The following SWT1 variants were observed in gnomAD, a reference collection of about 807,000 sequenced individuals.
SWT1 encodes SWT1 RNA endoribonuclease homolog.
SWT1 carries 33 observed loss-of-function variants against 107.3 expected under a neutral mutation model. That is an observed-to-expected ratio of 0.31 (90% CI 0.23 to 0.41). SWT1 has a LOEUF of 0.41. Ranked by LOEUF, SWT1 falls within the 10% of genes least tolerant of loss-of-function variation. The pLI, the probability that SWT1 is intolerant of heterozygous loss-of-function variation, is 1.00. For missense variants in SWT1, 898 were observed against 1,028.9 expected, an observed-to-expected ratio of 0.87 and a Z score of 1.74; for synonymous variants, 345 against 348.3, an observed-to-expected ratio of 0.99 and a Z score of 0.11.
intron 17 of SWT1, among the ~76,000 whole-genome samples, chr1:185,271,621 A>G (rs1186299929): frequency 6.6e-6 from 1 of 152,198 alleles, no homozygotes; most frequent in Non-Finnish European, 1.5e-5. Flanking sequence ...ACATAGTGAA[A>G]TGGTTTCTGT....
intron 18 of SWT1, chr1:185,281,411 G>A (rs1571706087): frequency 4.4e-6 from 1 of 228,806 alleles, no homozygotes; most frequent in East Asian, 1.1e-4. Context: ...TCAAACACTT[G>A]TTATGAGACA....
chr1:185,163,026 C>T (rs1244161831), intron 2 of SWT1, among the ~76,000 whole-genome samples: 1 of 152,052 alleles, frequency 6.6e-6, no homozygotes, highest in African/African-American at 2.4e-5. Context: ...TCATTTGAGT[C>T]TTCAGAGAGT....
intron 16 of SWT1, among the ~76,000 whole-genome samples, chr1:185,260,801 A>G (rs1662965441): frequency 6.6e-6 from 1 of 152,184 alleles, no homozygotes; most frequent in Admixed American, 6.5e-5. Flanking sequence ...ACATGAAAAG[A>G]TAAAACCATT....
At chr1:185,198,573 T>C (rs1249863592) in intron 10 of SWT1, among the ~76,000 whole-genome samples, 3 of 152,200 alleles carry the variant, frequency 2.0e-5, no homozygotes, top group Non-Finnish European at 4.4e-5. Context: ...TCTAAGTCTC[T>C]TTGTAGGTCT....
chr1:185,289,287 C>T (rs1360287603), intron 18 of SWT1, among the ~76,000 whole-genome samples: 1 of 152,176 alleles, frequency 6.6e-6, no homozygotes, highest in African/African-American at 2.4e-5. Context: ...ATGAAGACAA[C>T]CTTGGTGTGA....
At chr1:185,247,856 C>G (rs1424759383) in intron 16 of SWT1, among the ~76,000 whole-genome samples, 1 of 152,060 alleles carries the variant, frequency 6.6e-6, no homozygotes, top group Non-Finnish European at 1.5e-5. Flanking sequence ...TAATTTGCTT[C>G]TAGAAGTGTT....
chr1:185,166,454 AC>A, intron 2 of SWT1, 117 bp from the exon 3 acceptor site: 1 of 630,332 alleles, frequency 1.6e-6, no homozygotes, highest in Non-Finnish European at 2.7e-6. Context: ...ATTGTTCCCC[AC>A]CGAAGTTCAT....
Position 185,174,441 on chromosome 1 carries a change from A to T in SWT1, c.294A>T (p.Lys98Asn), listed in dbSNP as rs762153195. 1 of 1,604,350 alleles carries T rather than the reference A, an allele frequency of 6.2e-7. No homozygotes were observed. The highest frequency in any genetic ancestry group is 1.3e-5 in the African/African-American group (1 of 74,326). Residue 98 changes from lysine to asparagine, a missense_variant, in exon 5 of 19, where the codon AAA becomes AAT. Physicochemically the swap from Lys to Asn is moderately conservative, Grantham distance 94. Transcript: ENST00000367500. The stretch of plus-strand genomic sequence containing the variant: ...GTTCTTCATCCCAAAGACCTATTAA[A>T]CTCAAAGAAGCATCATATTCAAATG... Reference protein sequence around the residue: ...KIGSSSQRPIKLKEASYSNDN... With the variant: ...KIGSSSQRPINLKEASYSNDN...
intron 15 of SWT1, among the ~76,000 whole-genome samples, chr1:185,223,515 A>T (rs896662615): frequency 1.3e-5 from 2 of 151,972 alleles, no homozygotes; most frequent in Non-Finnish European, 2.9e-5. Flanking sequence ...AGCCACTCTA[A>T]CTGGAGTGAG....
At chr1:185,165,867 A>T (rs1654525819) in intron 2 of SWT1, among the ~76,000 whole-genome samples, 1 of 152,120 alleles carries the variant, frequency 6.6e-6, no homozygotes, top group South Asian at 2.1e-4. Flanking sequence ...TTCCCTCAGT[A>T]TTCTAATGGT....
At chr1:185,289,288 C>G (rs1351443854) in intron 18 of SWT1, among the ~76,000 whole-genome samples, 1 of 152,130 alleles carries the variant, frequency 6.6e-6, no homozygotes, top group African/African-American at 2.4e-5. Flanking sequence ...TGAAGACAAC[C>G]TTGGTGTGAT....
intron 16 of SWT1, among the ~76,000 whole-genome samples, chr1:185,237,533 A>T (rs1660976093): frequency 1.3e-5 from 2 of 152,086 alleles, no homozygotes; most frequent in Non-Finnish European, 2.9e-5. Context: ...GGGGAACATC[A>T]CACACTGGGG....
chr1:185,173,042 C>CA (rs71555458), intron 4 of SWT1, among the ~76,000 whole-genome samples: 40,813 of 86,914 alleles, frequency 0.47, 8,505 homozygotes, highest in African/African-American at 0.54. Flanking sequence ...GACTCCGTCT[C>CA]AAAAAAAAAA....
intron 14 of SWT1, among the ~76,000 whole-genome samples, chr1:185,216,242 A>G (rs1659206231): frequency 6.6e-6 from 1 of 152,156 alleles, no homozygotes; most frequent in Admixed American, 6.6e-5. Context: ...AAACATTGGT[A>G]GTTTTATTTT....
At chr1:185,189,682 C>T (rs543870555) in intron 9 of SWT1, among the ~76,000 whole-genome samples, 1 of 152,020 alleles carries the variant, frequency 6.6e-6, no homozygotes, top group East Asian at 1.9e-4. Context: ...ATTTTAATAG[C>T]GAACTAACCA....
chr1:185,226,711 T>C, intron 15 of SWT1: 1 of 468,168 alleles, frequency 2.1e-6, no homozygotes, highest in East Asian at 3.4e-5. Context: ...TCCCTGCTAT[T>C]TCTCATTTAA....
At chr1:185,248,764 T>A (rs1661790034) in intron 16 of SWT1, among the ~76,000 whole-genome samples, 2 of 128,480 alleles carry the variant, frequency 1.6e-5, no homozygotes, top group African/African-American at 3.1e-5. Context: ...CTAATGAAGA[T>A]ACGACTAAGC....
At chr1:185,159,213 C>A (rs2102282674) in intron 1 of SWT1, among the ~76,000 whole-genome samples, 1 of 152,286 alleles carries the variant, frequency 6.6e-6, no homozygotes, top group South Asian at 2.1e-4. Context: ...TAGCAGATTA[C>A]ATTAAGTGCA....
intron 14 of SWT1, among the ~76,000 whole-genome samples, chr1:185,218,676 C>G (rs899130363): frequency 3.9e-5 from 6 of 152,118 alleles, no homozygotes; most frequent in African/African-American, 1.4e-4. Flanking sequence ...GTTTTATGGG[C>G]CTTCTAACCA....
Sources: gnomAD v4.1 joint callset for allele counts (sites outside exome capture counted in the v4.1 genomes callset) on GRCh38, gnomAD v4.1.1 for gene constraint, MANE v1.5 for transcripts, NCBI Gene and HGNC (gene_info 2026-07-23, HGNC 2026-07-21) for gene names.